The following PNKD variants were observed in gnomAD, a reference collection of about 807,000 sequenced individuals.
PNKD encodes PNKD metallo-beta-lactamase domain containing.
Under a neutral mutation model 45.3 loss-of-function variants are expected in PNKD, and 36 were observed. The observed-to-expected ratio is 0.80, with a 90% CI of 0.61 to 1.05. PNKD has a LOEUF of 1.05. Ranked by LOEUF, PNKD falls within the 50% of genes least tolerant of loss-of-function variation. The probability of loss-of-function intolerance (pLI) is 0.00; values close to 1 mark genes in which losing one functional copy is unlikely to be tolerated. For missense variants in PNKD, 511 were observed against 506.6 expected (o/e 1.01, Z -0.08); for synonymous variants, 197 against 210.1 (o/e 0.94, Z 0.54).
At chr2:218,324,339 G>T (rs1436308010) in intron 2 of PNKD, among the ~76,000 whole-genome samples, 1 of 152,206 alleles carries the variant, frequency 6.6e-6, no homozygotes, top group Non-Finnish European at 1.5e-5. Flanking sequence ...AGGTTGTGGG[G>T]AGAGCCTAAG....
intron 1 of PNKD, 84 bp from the exon 2 acceptor site, chr2:218,271,297 C>T (rs145249885): frequency 8.8e-7 from 1 of 1,131,206 alleles, no homozygotes; most frequent in Non-Finnish European, 1.3e-6. Flanking sequence ...CTCAGCCGCT[C>T]CTCCCAAGCC....
At chr2:218,338,755 A>T (rs1694575544) in intron 2 of PNKD, among the ~76,000 whole-genome samples, 3 of 146,428 alleles carry the variant, frequency 2.0e-5, no homozygotes, top group Admixed American at 6.8e-5. Flanking sequence ...AAGTGCTGGG[A>T]TTACAGGCGT....
chr2:218,303,108 T>C (rs751793948), intron 2 of PNKD, among the ~76,000 whole-genome samples: 9 of 151,520 alleles, frequency 5.9e-5, no homozygotes, highest in Non-Finnish European at 1.3e-4. Context: ...CCCAGCTAAT[T>C]TGTTTGTATT....
intron 2 of PNKD, chr2:218,280,614 T>C (rs942521175): frequency 1.7e-5 from 3 of 171,676 alleles, no homozygotes; most frequent in Non-Finnish European, 3.8e-5. Flanking sequence ...GCAGGACCCA[T>C]GCGCAGATCC....
chr2:218,311,401 C>A (rs759091315), intron 2 of PNKD, among the ~76,000 whole-genome samples: 62 of 152,186 alleles, frequency 4.1e-4, no homozygotes, highest in Non-Finnish European at 6.8e-4. Context: ...GCACCGGTGC[C>A]GGCCTCTGAG....
At position 218,271,310 on chromosome 2, in the gene PNKD, T is replaced by C. The variant is rs1690820589; in HGVS notation, c.68-71T>C. Reference sequence around the variant, plus strand: ...ATCTCAGCCGCTCCTCCCAAGCCCTTACTGCCCCCCACCTCCCCGCTTGCT... The same window carrying C: ...ATCTCAGCCGCTCCTCCCAAGCCCTCACTGCCCCCCACCTCCCCGCTTGCT... On this transcript the variant is annotated intron_variant, in intron 1 of 9. Transcript: ENST00000273077. The C allele has an allele frequency of 9.0e-6, 12 of 1,339,954 alleles. No individual in the cohort carries two copies. The East Asian group carries it at 2.8e-4, about 31-fold the overall frequency. 83.0% of individuals were successfully genotyped at this position (1,339,954 alleles called of 1,614,324 possible). A position where few individuals can be genotyped will look rare whatever the true frequency, so the allele number is the denominator to read the frequency against.
intron 2 of PNKD, chr2:218,277,566 G>A (rs753584109): frequency 2.0e-5 from 32 of 1,610,276 alleles, no homozygotes; most frequent in South Asian, 5.5e-5. Flanking sequence ...GCTGGCTGCC[G>A]GCCCAGGAAC....
intron 2 of PNKD, among the ~76,000 whole-genome samples, chr2:218,316,473 G>T (rs1002692429): frequency 6.6e-6 from 1 of 151,986 alleles, no homozygotes; most frequent in Non-Finnish European, 1.5e-5. Flanking sequence ...GTTTCACCTT[G>T]TTGCCCAGGC....
rs984782453 is a variant in PNKD at position 218,340,258 on chromosome 2, C to T, written c.465+117C>T. On this transcript the variant is annotated intron_variant, in intron 4 of 9. Coordinates refer to ENST00000273077, the MANE Select transcript of PNKD (RefSeq NM_015488.5). The surrounding 1 kb of genome is among the most constrained non-coding windows in gnomAD (Gnocchi z 4.2). The stretch of plus-strand genomic sequence containing the variant: ...GCCCGTGGGATGTGTCCCATATGCT[C>T]CATGTTCACACGTGCACATGCGCAC... 8.4e-6 allele frequency: 6 copies of T among 717,150 alleles called. No homozygotes were observed. Among genetic ancestry groups the T allele is most frequent in the East Asian group, 7.5e-5 (3 of 39,966 alleles). 44.4% of individuals were successfully genotyped at this position (717,150 alleles called of 1,614,324 possible). A position where few individuals can be genotyped will look rare whatever the true frequency, so the allele number is the denominator to read the frequency against.
At chr2:218,305,893 T>C (rs1693392170) in intron 2 of PNKD, among the ~76,000 whole-genome samples, 1 of 152,214 alleles carries the variant, frequency 6.6e-6, no homozygotes, top group African/African-American at 2.4e-5. Flanking sequence ...GGAAAGGCAT[T>C]ATCAGCCTCC....
At chr2:218,328,808 G>A (rs1694229549) in intron 2 of PNKD, among the ~76,000 whole-genome samples, 1 of 152,226 alleles carries the variant, frequency 6.6e-6, no homozygotes, top group Non-Finnish European at 1.5e-5. Context: ...TCTGTCTCCA[G>A]ACCGCCCCCA....
At chr2:218,341,736 C>T in intron 6 of PNKD, 110 bp downstream of exon 6, 1 of 863,954 alleles carries the variant, frequency 1.2e-6, no homozygotes, top group Admixed American at 2.0e-5. Flanking sequence ...TTGCCAGTGC[C>T]CTTCCTGGCC....
chr2:218,328,714 G>A (rs991772927), intron 2 of PNKD, among the ~76,000 whole-genome samples: 6 of 152,200 alleles, frequency 3.9e-5, no homozygotes, highest in African/African-American at 1.4e-4. Flanking sequence ...GAATGCATGC[G>A]TGCATGAATA....
At chr2:218,328,242 A>T (rs967321556) in intron 2 of PNKD, among the ~76,000 whole-genome samples, 1 of 152,182 alleles carries the variant, frequency 6.6e-6, no homozygotes, top group Non-Finnish European at 1.5e-5. Flanking sequence ...CCAGGCCTCA[A>T]ATACACCAAG....
chr2:218,322,458 G>A (rs1261854175), intron 2 of PNKD, among the ~76,000 whole-genome samples: 2 of 152,270 alleles, frequency 1.3e-5, no homozygotes, highest in Non-Finnish European at 2.9e-5. Context: ...GTTTGGGAGT[G>A]GGAATGCCCC....
chr2:218,329,862 G>A (rs1322444441), intron 2 of PNKD, among the ~76,000 whole-genome samples: 1 of 152,198 alleles, frequency 6.6e-6, no homozygotes, highest in African/African-American at 2.4e-5. Flanking sequence ...CAGACCTCGG[G>A]TCCCATAGAA....
chr2:218,276,098 G>A (rs1182847448), intron 2 of PNKD: 3 of 1,611,640 alleles, frequency 1.9e-6, no homozygotes. Flanking sequence ...GAAGGGGACA[G>A]AGAATGGCAT....
chr2:218,324,966 A>AG, intron 2 of PNKD, among the ~76,000 whole-genome samples: 1 of 136,418 alleles, frequency 7.3e-6, no homozygotes, highest in African/African-American at 3.6e-5. Context: ...AGAAAAAAAA[A>AG]TCCCAAACAT....
Position 218,340,048 on chromosome 2 carries a change from C to T in PNKD, c.372C>T (p.Ile124=). The T allele has an allele frequency of 6.2e-7, 1 of 1,611,606 alleles. No homozygotes were observed. The highest frequency in any genetic ancestry group is 8.5e-7 in the Non-Finnish European group (1 of 1,177,722). The change falls in exon 4 of 10, where the codon ATC becomes ATT. Residue 124 remains isoleucine, a synonymous_variant. Transcript: ENST00000273077. This position sits in a 1 kb window ranked among gnomAD's most constrained non-coding sequence, Gnocchi z 4.2. The stretch of plus-strand genomic sequence containing the variant: ...CCCCAGGAGTGAAGGTGCTTCCCAT[C>T]CCTGTCCTCTCGGACAACTACAGCT... ...RLFNGVKVLP[I]PVLSDNYSYL...
Sources: gnomAD v4.1 joint callset for allele counts (sites outside exome capture counted in the v4.1 genomes callset) on GRCh38, gnomAD v4.1.1 for gene constraint, Gnocchi (gnomAD v3.1) non-coding constraint, MANE v1.5 for transcripts, NCBI Gene and HGNC (gene_info 2026-07-23, HGNC 2026-07-21) for gene names.